Variants in IGFL2 observed in about 807,000 individuals in gnomAD.
IGFL2 encodes the protein insulin growth factor-like family member 2.
IGFL2 carries 7 observed loss-of-function variants against 13.9 expected under a neutral mutation model. The observed-to-expected ratio is 0.51, with a 90% CI of 0.29 to 0.95. The LOEUF (loss-of-function observed/expected upper bound fraction) is 0.95. IGFL2 is among the 40% of genes least tolerant of loss of function. IGFL2 has a pLI of 0.08. For synonymous variants in IGFL2, 55 were observed against 55.8 expected, an observed-to-expected ratio of 0.99 and a Z score of 0.07; for missense variants, 138 against 147.8, an observed-to-expected ratio of 0.93 and a Z score of 0.34.
At chr19:46,169,250 C>G in the IGFL2 span, among the ~76,000 whole-genome samples, 2 of 152,022 alleles carry the variant, frequency 1.3e-5, no homozygotes, top group African/African-American at 4.8e-5. Flanking sequence ...ATCTTTAAGA[C>G]CTTAAAAATA....
the IGFL2 span, among the ~76,000 whole-genome samples, chr19:46,104,588 C>T: frequency 6.6e-6 from 1 of 152,248 alleles, no homozygotes; most frequent in Non-Finnish European, 1.5e-5. Context: ...AAGTGTCTAC[C>T]CAGACCAAGA....
chr19:46,153,806 A>T (rs1410605639), intron 1 of IGFL2, among the ~76,000 whole-genome samples: 1 of 147,376 alleles, frequency 6.8e-6, no homozygotes, highest in African/African-American at 2.5e-5. Flanking sequence ...TTTATTACAA[A>T]TTATATATGT....
At chr19:46,091,568 A>G in the IGFL2 span, among the ~76,000 whole-genome samples, 1 of 152,222 alleles carries the variant, frequency 6.6e-6, no homozygotes, top group Non-Finnish European at 1.5e-5. Context: ...GTTATATCCT[A>G]GTTTATTTAT....
chr19:46,124,620 C>T, the IGFL2 span: 42 of 1,607,914 alleles, frequency 2.6e-5, 1 homozygote, highest in South Asian at 4.6e-4. Flanking sequence ...TGGGGTCCTA[C>T]TTGCCCAAGA....
At chr19:46,124,103 T>C in the IGFL2 span, 2 of 1,611,424 alleles carry the variant, frequency 1.2e-6, no homozygotes, top group Non-Finnish European at 8.5e-7. Flanking sequence ...TAGATCTTGT[T>C]CCCACACCTG....
At chr19:46,174,308 A>G in the IGFL2 span, among the ~76,000 whole-genome samples, 1 of 152,202 alleles carries the variant, frequency 6.6e-6, no homozygotes, top group African/African-American at 2.4e-5. Flanking sequence ...GCATAAAACC[A>G]ACACCGGGCC....
the IGFL2 span, among the ~76,000 whole-genome samples, chr19:46,200,219 A>G: frequency 6.6e-6 from 1 of 151,826 alleles, no homozygotes; most frequent in Non-Finnish European, 1.5e-5. Context: ...CCCAGGCTGC[A>G]GTGCAGTGGT....
the IGFL2 span, chr19:46,124,439 G>A: frequency 3.2e-6 from 4 of 1,253,538 alleles, no homozygotes; most frequent in Non-Finnish European, 4.6e-6. Context: ...ATCACTTGGG[G>A]CTAAGTCTGT....
chr19:46,179,611 G>C, the IGFL2 span: 3 of 152,408 alleles, frequency 2.0e-5, no homozygotes, highest in Admixed American at 2.0e-4. Flanking sequence ...ATCGTTTACT[G>C]AACAGTGGCA....
chr19:46,147,585 A>G (rs912998002), upstream of IGFL2, among the ~76,000 whole-genome samples: 8 of 152,198 alleles, frequency 5.3e-5, no homozygotes, highest in Admixed American at 2.0e-4. Context: ...TCAACCCAGC[A>G]ACCAATAGGC....
chr19:46,160,846 G>A lies in IGFL2; in HGVS notation c.306G>A (p.Gln102=). Residue 102 remains glutamine, a synonymous_variant, in exon 3 of 4, where the codon CAG becomes CAA. Coordinates refer to ENST00000377693, the MANE Select transcript of IGFL2 (RefSeq NM_001135113.2). ...VKLKVQGVNS[Q]CHSSPISSKC... ...TGAAGGTTCAGGGTGTGAATTCCCA[G>A]TGCCACTCATCTCCCATCTCCAGTA... is the stretch of plus-strand genomic sequence containing the variant. 3 of 1,613,938 alleles carry A rather than the reference G, an allele frequency of 1.9e-6. No homozygotes were observed. Among genetic ancestry groups the A allele is most frequent in the Non-Finnish European group, 2.5e-6 (3 of 1,179,882 alleles).
At chr19:46,122,400 G>A in the IGFL2 span, among the ~76,000 whole-genome samples, 1 of 151,108 alleles carries the variant, frequency 6.6e-6, no homozygotes, top group Non-Finnish European at 1.5e-5. Flanking sequence ...AGCTGACCCT[G>A]TTAAAGATCA....
the IGFL2 span, among the ~76,000 whole-genome samples, chr19:46,179,934 A>G: frequency 2.6e-5 from 4 of 152,054 alleles, no homozygotes; most frequent in Non-Finnish European, 4.4e-5. Context: ...CAAAAACAAA[A>G]AAACATTGCT....
downstream of IGFL2, chr19:46,164,609 G>A (rs145618437): frequency 6.6e-6 from 1 of 152,336 alleles, no homozygotes; most frequent in Non-Finnish European, 1.5e-5. Flanking sequence ...GTCTTCTGCA[G>A]CATCCCCATT....
the IGFL2 span, among the ~76,000 whole-genome samples, chr19:46,215,055 C>G: frequency 6.6e-6 from 1 of 152,098 alleles, no homozygotes; most frequent in Non-Finnish European, 1.5e-5. Flanking sequence ...GGAACCAGGC[C>G]TTTTCTTCAG....
the IGFL2 span, chr19:46,181,247 GA>G: frequency 6.6e-6 from 1 of 152,082 alleles, no homozygotes; most frequent in Non-Finnish European, 1.5e-5. Context: ...CAGAGACCAA[GA>G]TAACTATGAG....
At position 46,160,610 on chromosome 19, in the gene IGFL2, C is replaced by T; in HGVS notation, c.74-4C>T. On this transcript the variant is annotated splice_region_variant and splice_polypyrimidine_tract_variant and intron_variant, in intron 2 of 3. Transcript: ENST00000377693. ...ACACCAACAATGTCTGTCCATCTGT[C>T]CAGCTCCCGCTGGCTCAGAACCATG... The T allele has an allele frequency of 6.2e-7, 1 of 1,614,160 alleles. No individual in the cohort carries two copies. The highest frequency in any genetic ancestry group is 8.5e-7 in the Non-Finnish European group (1 of 1,180,002).
the IGFL2 span, among the ~76,000 whole-genome samples, chr19:46,169,178 T>A: frequency 6.6e-6 from 1 of 152,136 alleles, no homozygotes; most frequent in African/African-American, 2.4e-5. Context: ...TGCACTCCAG[T>A]CTGGGCAACA....
At chr19:46,181,628 G>A in the IGFL2 span, among the ~76,000 whole-genome samples, 24 of 152,316 alleles carry the variant, frequency 1.6e-4, no homozygotes, top group South Asian at 4.1e-3. Context: ...ACTCAGCTGC[G>A]TAAAGACAGC....
Sources: allele counts gnomAD v4.1 joint callset (sites outside exome capture counted in the v4.1 genomes callset), GRCh38; gene constraint gnomAD v4.1.1; transcripts MANE v1.5; gene names NCBI Gene and HGNC (gene_info 2026-07-23, HGNC 2026-07-21).